The following CDC25C variants were observed in gnomAD, a reference collection of about 807,000 sequenced individuals.
The protein encoded by CDC25C is M-phase inducer phosphatase 3.
In CDC25C, 48 loss-of-function variants were observed where a neutral mutation model predicts 52.5. The observed-to-expected ratio is 0.91, with a 90% CI of 0.72 to 1.16. The LOEUF is 1.16. Among genes scored for constraint, CDC25C ranks in the 50% most tolerant of loss-of-function variants. The pLI is 0.00. For missense variants in CDC25C, 510 were observed against 566.1 expected, an observed-to-expected ratio of 0.90 and a Z score of 1.01; for synonymous variants, 187 against 206.5, an observed-to-expected ratio of 0.91 and a Z score of 0.81.
Position 138,311,374 on chromosome 5 carries a change from G to A in CDC25C, c.615+7845C>T, listed in dbSNP as rs138037545. Among the ~76,000 whole-genome samples the A allele has an allele frequency of 2.7e-3, 404 of 152,264 alleles. 1 individual carries two copies. The highest frequency in any genetic ancestry group is 6.8e-3 in the Middle Eastern group (2 of 294). On this transcript the variant is annotated intron_variant, in intron 7 of 13. Coordinates refer to ENST00000323760, the MANE Select transcript of CDC25C (RefSeq NM_001790.5). ...CTTGGGAGGCTGAAGCAAGAGGATC[G>A]CTTGAGGCCAGAATTTTGAGACCAG...
At chr5:138,316,125 T>G (rs1470797641) in intron 7 of CDC25C, among the ~76,000 whole-genome samples, 3 of 152,170 alleles carry the variant, frequency 2.0e-5, no homozygotes, top group Non-Finnish European at 4.4e-5. Context: ...CCTTCCCGGG[T>G]GCAGCTGCAG....
chr5:138,307,411 G>A (rs1210539791), intron 7 of CDC25C, among the ~76,000 whole-genome samples: 12 of 143,000 alleles, frequency 8.4e-5, no homozygotes, highest in African/African-American at 2.6e-4. Flanking sequence ...AGAATCGCCT[G>A]AGCCCAGGAG....
intron 6 of CDC25C, among the ~76,000 whole-genome samples, chr5:138,324,623 T>C (rs1215950252): frequency 6.6e-6 from 1 of 151,784 alleles, no homozygotes; most frequent in Non-Finnish European, 1.5e-5. Context: ...CTGGGTGTGG[T>C]GGCACGCACC....
chr5:138,297,015 A>G (rs1204921205), intron 7 of CDC25C, among the ~76,000 whole-genome samples: 3 of 144,972 alleles, frequency 2.1e-5, no homozygotes, highest in African/African-American at 7.8e-5. Context: ...GGTTCACGCC[A>G]TTCTTCTGCC....
upstream of CDC25C, chr5:138,331,926 T>C: frequency 1.0e-6 from 1 of 984,848 alleles, no homozygotes; most frequent in Non-Finnish European, 1.2e-6. Flanking sequence ...GGCCTATCGT[T>C]GGGCTCGCAG....
At chr5:138,331,892 CCG>C, upstream of CDC25C, 2 of 985,662 alleles carry the variant, frequency 2.0e-6, no homozygotes, top group African/African-American at 1.7e-5. Flanking sequence ...CAGCCAATCT[CCG>C]CGCGCGCGCC....
chr5:138,334,643 T>C (rs796805627), upstream of CDC25C, among the ~76,000 whole-genome samples: 13 of 152,342 alleles, frequency 8.5e-5, no homozygotes, highest in African/African-American at 3.1e-4. Flanking sequence ...TGAGCCACCA[T>C]GCCCAGCCAA....
chr5:138,337,807 G>A (rs1369356798), intron 1 of CDC25C: 7 of 443,140 alleles, frequency 1.6e-5, no homozygotes, highest in South Asian at 1.1e-4. Context: ...GGGGGAAGGG[G>A]GATTCCTTCG....
chr5:138,332,406 T>C (rs1279174699), upstream of CDC25C, among the ~76,000 whole-genome samples: 1 of 152,154 alleles, frequency 6.6e-6, no homozygotes, highest in Non-Finnish European at 1.5e-5. Flanking sequence ...GTTTGGTGTT[T>C]CTTTTAGTGT....
In CDC25C at chr5:138,331,114, A is replaced by C. The variant is rs1442823498; in HGVS notation, c.67T>G (p.Ser23Ala). Residue 23 changes from serine (S) to alanine (A), a missense_variant, in exon 2 of 14, where the codon TCT (serine) becomes GCT (alanine). Ser to Ala is a moderately conservative substitution (Grantham distance 99). Coordinates refer to ENST00000323760, the MANE Select transcript of CDC25C (RefSeq NM_001790.5). ...GSSGSGPSFR[S>A]NQRKMLNLLL... ...AGGTTTAACATTTTCCTTTGATTAG[A>C]CCTAAAACTGGGTCCTGAGCCAGAG... 1 of 1,613,938 alleles carries C rather than the reference A, an allele frequency of 6.2e-7. No homozygotes were observed. The highest frequency in any genetic ancestry group is 8.5e-7 in the Non-Finnish European group (1 of 1,179,798).
chr5:138,308,139 T>C lies in CDC25C; in HGVS notation c.615+11080A>G, dbSNP rs146078336. 1.9e-4 allele frequency among the ~76,000 whole-genome samples: 29 copies of C among 152,268 alleles called. No individual in the cohort carries two copies. The East Asian group carries it at 4.4e-3, about 23-fold the overall frequency. On this transcript the variant is annotated intron_variant, in intron 7 of 13. Transcript: ENST00000323760. ...GTGCGGCCCGGTTCCTAACAGGCCA[T>C]GGACCTGTGTTGATCCATGGCCCAC...
upstream of CDC25C, among the ~76,000 whole-genome samples, chr5:138,333,142 C>A (rs1387172240): frequency 6.6e-6 from 1 of 152,122 alleles, no homozygotes; most frequent in Non-Finnish European, 1.5e-5. Context: ...AGGTATTACC[C>A]CATACTTCTT....
chr5:138,335,060 C>G (rs1423175181), upstream of CDC25C: 1 of 152,258 alleles, frequency 6.6e-6, no homozygotes, highest in East Asian at 1.9e-4. Flanking sequence ...ACCTTGACCT[C>G]AGTCTGACTC....
chr5:138,300,484 G>A (rs1757548052), intron 7 of CDC25C, among the ~76,000 whole-genome samples: 1 of 151,804 alleles, frequency 6.6e-6, no homozygotes, highest in Admixed American at 6.6e-5. Context: ...GATTGTTTGT[G>A]TTCAGGAGGT....
At chr5:138,292,230 C>T (rs1216292932) in intron 7 of CDC25C, 114 bp from the exon 8 acceptor site, 1 of 766,724 alleles carries the variant, frequency 1.3e-6, no homozygotes, top group Admixed American at 2.6e-5. Flanking sequence ...GATGTTAGGC[C>T]ACACCCCAAA....
intron 1 of CDC25C, chr5:138,337,551 G>A: frequency 4.9e-6 from 1 of 202,698 alleles, no homozygotes; most frequent in Non-Finnish European, 1.0e-5. Context: ...CTGGGGGGGA[G>A]GGGGCGGAGA....
At chr5:138,293,794 G>A (rs1462337061) in intron 7 of CDC25C, among the ~76,000 whole-genome samples, 4 of 151,396 alleles carry the variant, frequency 2.6e-5, no homozygotes, top group Non-Finnish European at 5.9e-5. Flanking sequence ...CTACAGATGC[G>A]CATCACCATG....
Position 138,285,703 on chromosome 5 carries a change from T to C in CDC25C, c.1411A>G (p.Met471Val). 6.2e-7 allele frequency: 1 copy of C among 1,614,042 alleles called. No individual in the cohort carries two copies. The highest frequency in any genetic ancestry group is 8.5e-7 in the Non-Finnish European group (1 of 1,179,982). The change falls in exon 14 of 14, where the codon ATG (methionine) becomes GTG (valine). Residue 471 changes from methionine (M) to valine (V), a missense_variant. Transcript: ENST00000323760. ...TGGCTGGAATGTTATCATGGGCTCA[T>C]GTCCTTCACCAGAAGGGCAATCTGC... ...REQIALLVKD[M>V]SP is the part of the protein sequence containing the mutation.
chr5:138,329,617 C>T lies in CDC25C; in HGVS notation c.225G>A (p.Ser75=), dbSNP rs755557711. 1.3e-5 allele frequency: 21 copies of T among 1,612,554 alleles called. No individual in the cohort carries two copies. Among genetic ancestry groups the T allele is most frequent in the African/African-American group, 9.4e-5 (7 of 74,704 alleles). ...CAGTTATCTCCCCACTGCTAAGATT[C>T]GAAAGATCGAGGCAACGTTTTGGGG... ...GGTPKRCLDL[S]NLSSGEITAT... The change falls in exon 3 of 14, where the codon TCG becomes TCA. Residue 75 remains serine (S), a synonymous_variant. Coordinates refer to ENST00000323760, the MANE Select transcript of CDC25C (RefSeq NM_001790.5).
Sources: allele counts gnomAD v4.1 joint callset (sites outside exome capture counted in the v4.1 genomes callset), GRCh38; gene constraint gnomAD v4.1.1; transcripts MANE v1.5; gene names NCBI Gene and HGNC (gene_info 2026-07-23, HGNC 2026-07-21).